JAKMIP1: variants seen among roughly 807,000 people sequenced by gnomAD.
JAKMIP1 encodes the protein janus kinase and microtubule-interacting protein 1.
JAKMIP1 carries 33 observed loss-of-function variants against 113.0 expected under a neutral mutation model. The observed-to-expected ratio is 0.29, with a 90% CI of 0.22 to 0.39. The LOEUF (loss-of-function observed/expected upper bound fraction) is 0.39, where lower values mean the gene tolerates loss of function less well. Among genes scored for constraint, JAKMIP1 ranks in the 10% least tolerant of loss-of-function variants. The pLI, the probability that JAKMIP1 is intolerant of heterozygous loss-of-function variation, is 1.00. For missense variants in JAKMIP1, 813 were observed against 1,080.5 expected (o/e 0.75, Z 3.47); for synonymous variants, 480 against 459.9 (o/e 1.04, Z -0.56).
At position 6,042,189 on chromosome 4, in the gene JAKMIP1, G is replaced by A. The variant is rs1239397499; in HGVS notation, c.2067C>T (p.Thr689=). Residue 689 remains threonine (T), a synonymous_variant, in exon 17 of 21, where the codon ACC becomes ACT. Coordinates refer to ENST00000409021, the MANE Select transcript of JAKMIP1 (RefSeq NM_001099433.2). The surrounding 1 kb of genome is among the most constrained non-coding windows in gnomAD (Gnocchi z 5.2). ...CCTTCTCCAGGTCCAGCATCTTCTG[G>A]GTCAGGGCGGCCTCGGTCCCCTCTA... The part of the protein sequence containing the change: ...KQIEGTEAAL[T]QKMLDLEKEK... The A allele has an allele frequency of 1.9e-6, 3 of 1,613,734 alleles. No homozygotes were observed. The highest frequency in any genetic ancestry group is 2.5e-6 in the Non-Finnish European group (3 of 1,179,860).
rs141800203 is a variant in JAKMIP1 at position 6,105,689 on chromosome 4, C to T, written c.408G>A (p.Ala136=). The change falls in exon 3 of 21, where the codon GCG becomes GCA. Residue 136 remains alanine (A), a synonymous_variant. Coordinates refer to ENST00000409021, the MANE Select transcript of JAKMIP1 (RefSeq NM_001099433.2). ...CGAAGGCCCTGCGCGCCTCCTCGCG[C>T]GCCTCGGTCAGCAGCGCCGTCTTGA... ...DKVKTALLTE[A]REEARRAFDG... 3.1e-4 allele frequency: 504 copies of T among 1,603,380 alleles called. 2 individuals carry two copies. The African/African-American group carries it at 6.0e-3, about 19-fold the overall frequency.
At chr4:6,039,165 C>T (rs1295001855) in intron 18 of JAKMIP1, among the ~76,000 whole-genome samples, 2 of 152,150 alleles carry the variant, frequency 1.3e-5, no homozygotes, top group Non-Finnish European at 2.9e-5. Flanking sequence ...GCAGGGGCCT[C>T]TTCTGCAGAT....
chr4:6,080,020 C>G lies in JAKMIP1; in HGVS notation c.1242+152G>C, dbSNP rs2108819136. 1.3e-6 allele frequency: 1 copy of G among 799,674 alleles called. No homozygotes were observed. The highest frequency in any genetic ancestry group is 2.8e-5 in the East Asian group (1 of 35,580). The allele number at this position is 799,674 out of a possible 1,614,324, so 49.5% of individuals were successfully genotyped here. ...GCAGAATGAAGCGGGAATGTGCACA[C>G]CAGGGTGAGCTTGGTGAGTCCCAAA... On this transcript the variant is annotated intron_variant, in intron 7 of 20. Coordinates refer to ENST00000409021, the MANE Select transcript of JAKMIP1 (RefSeq NM_001099433.2). This position sits in a 1 kb window ranked among gnomAD's most constrained non-coding sequence, Gnocchi z 6.0.
rs1725413447 is a variant in JAKMIP1 at position 6,176,973 on chromosome 4, C to T, written c.-148+23280G>A. Reference sequence around the variant, plus strand: ...GCTTGCATCGGGGAGGTTGAGGCTGCAGTGAGCCATGATTTGTGCCACTGC... The same window carrying T: ...GCTTGCATCGGGGAGGTTGAGGCTGTAGTGAGCCATGATTTGTGCCACTGC... On this transcript the variant is annotated intron_variant, in intron 1 of 20. Transcript: ENST00000409021. This position sits in a 1 kb window ranked among gnomAD's most constrained non-coding sequence, Gnocchi z 5.5. 6.6e-6 allele frequency among the ~76,000 whole-genome samples: 1 copy of T among 152,138 alleles called. No homozygotes were observed. The highest frequency in any genetic ancestry group is 2.1e-4 in the South Asian group (1 of 4,822).
intron 8 of JAKMIP1, chr4:6,070,307 C>G (rs1032443289): frequency 2.6e-6 from 1 of 388,046 alleles, no homozygotes; most frequent in African/African-American, 2.1e-5. Flanking sequence ...CTCTAACACA[C>G]CCGCCCTAGC....
At chr4:6,109,623 T>C (rs1313827591) in intron 2 of JAKMIP1, among the ~76,000 whole-genome samples, 1 of 151,938 alleles carries the variant, frequency 6.6e-6, no homozygotes, top group Admixed American at 6.6e-5. Flanking sequence ...AGGGTCTGTC[T>C]CTGAGTTACT....
At chr4:6,190,932 C>A (rs551108053) in intron 1 of JAKMIP1, among the ~76,000 whole-genome samples, 1 of 152,304 alleles carries the variant, frequency 6.6e-6, no homozygotes, top group Non-Finnish European at 1.5e-5. Flanking sequence ...AACAAGAGCA[C>A]AGGCGGCCTG....
intron 11 of JAKMIP1, among the ~76,000 whole-genome samples, chr4:6,058,084 G>C (rs942251981): frequency 6.6e-6 from 1 of 152,238 alleles, no homozygotes; most frequent in South Asian, 2.1e-4. Context: ...GGATAGGTGA[G>C]AGTTCTGGGA....
intron 19 of JAKMIP1, among the ~76,000 whole-genome samples, chr4:6,033,069 G>A (rs1017914867): frequency 1.3e-5 from 2 of 152,228 alleles, no homozygotes; most frequent in African/African-American, 4.8e-5. Context: ...CTTCACTCAG[G>A]CAGAACCTTT....
rs1307762284 is a variant in JAKMIP1, at chr4:6,040,748, G to C, written c.2098-32C>G. 6.4e-7 allele frequency: 1 copy of C among 1,568,426 alleles called. No homozygotes were observed. On this transcript the variant is annotated intron_variant, in intron 17 of 20. Coordinates refer to ENST00000409021, the MANE Select transcript of JAKMIP1 (RefSeq NM_001099433.2). This position sits in a 1 kb window ranked among gnomAD's most constrained non-coding sequence, Gnocchi z 5.8. ...AAGAGGGAGGCGCCATCAGGGACCA[G>C]CGTCAGAACAGGAATCCATGACAGC...
chr4:6,085,380 G>A, intron 4 of JAKMIP1, 40 bp downstream of exon 4: 2 of 1,587,992 alleles, frequency 1.3e-6, no homozygotes, highest in South Asian at 1.1e-5. Flanking sequence ...TAAATGGGTG[G>A]GGGACCAGCC....
Position 6,169,980 on chromosome 4 carries a change from TACCACCACCACC to T in JAKMIP1, c.-148+30261_-148+30272del, listed in dbSNP as rs200501521. On this transcript the variant is annotated intron_variant, in intron 1 of 20. Transcript: ENST00000409021. Reference sequence around the variant, plus strand: ...CTCTCATCACCACCACCACCACCACTACCACCACCACCACCACCACCACCACCACCCTCACCA... The same window carrying T: ...CTCTCATCACCACCACCACCACCACTACCACCACCACCACCACCCTCACCA... Among the ~76,000 whole-genome samples the T allele has an allele frequency of 4.2e-4, 45 of 107,758 alleles. 1 individual carries two copies. The highest frequency in any genetic ancestry group is 6.6e-4 in the Non-Finnish European group (32 of 48,368). 70.7% of individuals were successfully genotyped at this position (107,758 alleles called of 152,430 possible).
chr4:6,091,704 T>C (rs1722088325), intron 3 of JAKMIP1, among the ~76,000 whole-genome samples: 1 of 152,216 alleles, frequency 6.6e-6, no homozygotes, highest in African/African-American at 2.4e-5. Context: ...GGCTGGAGAC[T>C]GTTCCTGAGG....
chr4:6,190,517 G>C (rs1727140084), intron 1 of JAKMIP1, among the ~76,000 whole-genome samples: 1 of 152,138 alleles, frequency 6.6e-6, no homozygotes, highest in Non-Finnish European at 1.5e-5. Flanking sequence ...ACCTGTGCAA[G>C]CTCAGATAAG....
rs994909343 is a variant in JAKMIP1, at chr4:6,150,775, G to A, written c.-147-37778C>T. On this transcript the variant is annotated intron_variant, in intron 1 of 20. Transcript: ENST00000409021. The surrounding 1 kb of genome is among the most constrained non-coding windows in gnomAD (Gnocchi z 4.8). Reference sequence around the variant, plus strand: ...CTCTAAAATCAGCTTCCTAGACCATGGCGGGAAGAAGAAAACAGGCAAGAA... The same window carrying A: ...CTCTAAAATCAGCTTCCTAGACCATAGCGGGAAGAAGAAAACAGGCAAGAA... Among the ~76,000 whole-genome samples, 1 of 152,158 alleles carries A rather than the reference G, an allele frequency of 6.6e-6. No individual in the cohort carries two copies. Among genetic ancestry groups the A allele is most frequent in the Admixed American group, 6.5e-5 (1 of 15,268 alleles).
rs1208918929 is a variant in JAKMIP1, at chr4:6,065,828, G to C, written c.1303-820C>G. On this transcript the variant is annotated intron_variant, in intron 8 of 20. Coordinates refer to ENST00000409021, the MANE Select transcript of JAKMIP1 (RefSeq NM_001099433.2). The surrounding 1 kb of genome is among the most constrained non-coding windows in gnomAD (Gnocchi z 5.1). ...TCAATTCATTCACTCAGAAAACACTGGCAAAGCTCCTTCTATGGGCCAGAC... is the reference window on the plus strand; with the variant it reads ...TCAATTCATTCACTCAGAAAACACTCGCAAAGCTCCTTCTATGGGCCAGAC... Among the ~76,000 whole-genome samples the C allele has an allele frequency of 6.6e-6, 1 of 152,036 alleles. No homozygotes were observed. Among genetic ancestry groups the C allele is most frequent in the African/African-American group, 2.4e-5 (1 of 41,384 alleles).
At chr4:6,124,958 C>A (rs2108917254) in intron 1 of JAKMIP1, among the ~76,000 whole-genome samples, 1 of 152,268 alleles carries the variant, frequency 6.6e-6, no homozygotes, top group African/African-American at 2.4e-5. Flanking sequence ...GGAGACAGAC[C>A]CATTTTACAG....
Position 6,156,670 on chromosome 4 carries a change from C to T in JAKMIP1, c.-148+43583G>A, listed in dbSNP as rs978727370. Among the ~76,000 whole-genome samples, 19 of 152,162 alleles carry T rather than the reference C, an allele frequency of 1.2e-4. No homozygotes were observed. Among genetic ancestry groups the T allele is most frequent in the African/African-American group, 4.1e-4 (17 of 41,430 alleles). On this transcript the variant is annotated intron_variant, in intron 1 of 20. Coordinates refer to ENST00000409021, the MANE Select transcript of JAKMIP1 (RefSeq NM_001099433.2). This position sits in a 1 kb window ranked among gnomAD's most constrained non-coding sequence, Gnocchi z 5.0. ...CACCCAGGAAATGTCTGACAGCATCCGCTGAGATGTGGGAGCTAAAATATC... is the reference window on the plus strand; with the variant it reads ...CACCCAGGAAATGTCTGACAGCATCTGCTGAGATGTGGGAGCTAAAATATC...
rs184092411 is a variant in JAKMIP1, at chr4:6,155,315, G to A, written c.-147-42318C>T. On this transcript the variant is annotated intron_variant, in intron 1 of 20. Coordinates refer to ENST00000409021, the MANE Select transcript of JAKMIP1 (RefSeq NM_001099433.2). The surrounding 1 kb of genome is among the most constrained non-coding windows in gnomAD (Gnocchi z 6.1). ...CAACCACCACTCAACCACCACCACC[G>A]CGAATGTTTACCCAGCCCTTATCCT... is the stretch of plus-strand genomic sequence containing the variant. Among the ~76,000 whole-genome samples the A allele has an allele frequency of 4.6e-5, 7 of 152,192 alleles. No homozygotes were observed. Among genetic ancestry groups the A allele is most frequent in the African/African-American group, 1.4e-4 (6 of 41,536 alleles).
Sources: allele counts gnomAD v4.1 joint callset (sites outside exome capture counted in the v4.1 genomes callset), GRCh38; gene constraint gnomAD v4.1.1; non-coding constraint Gnocchi (gnomAD v3.1); transcripts MANE v1.5; gene names NCBI Gene and HGNC (gene_info 2026-07-23, HGNC 2026-07-21).